Variants in ANKRD30BL observed in about 807,000 individuals in gnomAD.
ANKRD30BL encodes putative ankyrin repeat domain-containing protein 30B-like.
ANKRD30BL carries 20 observed loss-of-function variants against 18.4 expected under a neutral mutation model. That is an observed-to-expected ratio of 1.09 (90% confidence interval 0.77 to 1.58). The LOEUF is 1.58. Ranked by LOEUF, ANKRD30BL falls within the 40% of genes most tolerant of loss-of-function variation. The pLI is 0.00. For missense variants in ANKRD30BL, 224 were observed against 268.6 expected (o/e 0.83, Z 1.16); for synonymous variants, 72 against 100.9 (o/e 0.71, Z 1.72).
At chr2:132,154,049 C>A (rs573304087) in intron 4 of ANKRD30BL, among the ~76,000 whole-genome samples, 9 of 152,228 alleles carry the variant, frequency 5.9e-5, no homozygotes, top group African/African-American at 1.7e-4. Context: ...CAAGTGAGAG[C>A]AATCTGAAGA....
chr2:132,151,110 CTT>C (rs1687743502), intron 4 of ANKRD30BL, 134 bp from the exon 5 acceptor site: 1 of 376,170 alleles, frequency 2.7e-6, no homozygotes, highest in Admixed American at 5.0e-5. Context: ...TTTCCATAGA[CTT>C]TAAGTTTGTA....
At chr2:132,206,876 C>A (rs1371546781) in intron 1 of ANKRD30BL, among the ~76,000 whole-genome samples, 1 of 147,670 alleles carries the variant, frequency 6.8e-6, no homozygotes, top group South Asian at 2.1e-4. Context: ...CTTCTAGCAC[C>A]GGGTGATCAC....
At chr2:132,206,848 A>G (rs1170655235) in intron 1 of ANKRD30BL, among the ~76,000 whole-genome samples, 6 of 152,224 alleles carry the variant, frequency 3.9e-5, no homozygotes, top group African/African-American at 1.4e-4. Context: ...GGACCTGGGA[A>G]AAAATCCTTT....
chr2:132,149,598 G>A (rs1378371209), intron 5 of ANKRD30BL, among the ~76,000 whole-genome samples: 1 of 152,140 alleles, frequency 6.6e-6, no homozygotes, highest in Non-Finnish European at 1.5e-5. Context: ...CATTTAGGGT[G>A]CAAGAAAAGT....
At chr2:132,194,399 C>G (rs1678923408) in intron 1 of ANKRD30BL, among the ~76,000 whole-genome samples, 1 of 152,220 alleles carries the variant, frequency 6.6e-6, no homozygotes. Flanking sequence ...GACAGCCTGG[C>G]TTTAGCCTTC....
chr2:132,183,143 T>C (rs1246051088), intron 1 of ANKRD30BL, among the ~76,000 whole-genome samples: 3 of 151,812 alleles, frequency 2.0e-5, no homozygotes, highest in Non-Finnish European at 4.4e-5. Flanking sequence ...GTAGCTTTTT[T>C]TTTTTTTTTG....
At chr2:132,223,254 A>T (rs1475947996) in intron 1 of ANKRD30BL, among the ~76,000 whole-genome samples, 1 of 152,118 alleles carries the variant, frequency 6.6e-6, no homozygotes, top group Admixed American at 6.6e-5. Flanking sequence ...TACTGCTTTG[A>T]GGCCTTCGTT....
intron 1 of ANKRD30BL, among the ~76,000 whole-genome samples, chr2:132,203,636 A>C (rs2104749782): frequency 6.6e-6 from 1 of 152,148 alleles, no homozygotes; most frequent in South Asian, 2.1e-4. Flanking sequence ...CAGTTGAGAA[A>C]TTAAATACAA....
At chr2:132,189,416 GAGTC>G (rs1678800166) in intron 1 of ANKRD30BL, among the ~76,000 whole-genome samples, 1 of 151,908 alleles carries the variant, frequency 6.6e-6, no homozygotes, top group African/African-American at 2.4e-5. Flanking sequence ...AATGTAGCTT[GAGTC>G]AGTCAAACAG....
In ANKRD30BL at chr2:132,167,785, A is replaced by G. The variant is rs115044600; in HGVS notation, n.442-10639T>C. Among the ~76,000 whole-genome samples, 605 of 152,280 alleles carry G rather than the reference A, an allele frequency of 4.0e-3. 2 individuals carry two copies. Among genetic ancestry groups the G allele is most frequent in the African/African-American group, 0.014 (589 of 41,560 alleles). ...ATCTTTAAATTAATTAGAATCGATT[A>G]TATATATTTTATGTCTATCTTCAAA... On this transcript the variant is annotated intron_variant and non_coding_transcript_variant, in intron 1 of 4. Coordinates refer to the ANKRD30BL transcript ENST00000470729.
At chr2:132,223,675 A>G (rs1407271969) in intron 1 of ANKRD30BL, among the ~76,000 whole-genome samples, 1 of 150,128 alleles carries the variant, frequency 6.7e-6, no homozygotes, top group Non-Finnish European at 1.5e-5. Flanking sequence ...TGATGTGTAC[A>G]TTCAACTCAC....
intron 1 of ANKRD30BL, among the ~76,000 whole-genome samples, chr2:132,198,490 AT>A (rs1573833355): frequency 1.3e-5 from 2 of 150,516 alleles, no homozygotes; most frequent in East Asian, 3.9e-4. Context: ...TGCCCCGCTA[AT>A]TTTTTGCATC....
chr2:132,194,594 T>C (rs1451647472), intron 1 of ANKRD30BL, among the ~76,000 whole-genome samples: 2 of 152,210 alleles, frequency 1.3e-5, no homozygotes, highest in East Asian at 1.9e-4. Context: ...AGTCTCTTTC[T>C]ACCCCAATCA....
At chr2:132,253,585 G>A (rs1026414690) in intron 1 of ANKRD30BL, among the ~76,000 whole-genome samples, 8 of 152,166 alleles carry the variant, frequency 5.3e-5, no homozygotes, top group Non-Finnish European at 1.2e-4. Context: ...ACTGGGTAAA[G>A]CCCCCACCGA....
At chr2:132,193,958 C>G (rs922105420) in intron 1 of ANKRD30BL, among the ~76,000 whole-genome samples, 2 of 151,760 alleles carry the variant, frequency 1.3e-5, no homozygotes, top group African/African-American at 4.8e-5. Flanking sequence ...TACGTCACCA[C>G]TGGGGCAGGA....
At chr2:132,244,640 C>G (rs369546795) in intron 1 of ANKRD30BL, among the ~76,000 whole-genome samples, 1 of 152,276 alleles carries the variant, frequency 6.6e-6, no homozygotes. Context: ...GTGATGTGTG[C>G]ACTCAAATCA....
chr2:132,231,699 G>A (rs879762376), intron 1 of ANKRD30BL, among the ~76,000 whole-genome samples: 21 of 152,288 alleles, frequency 1.4e-4, no homozygotes, highest in Middle Eastern at 3.4e-3. Flanking sequence ...CACCCACGGA[G>A]TCTCGCTGAT....
At chr2:132,181,434 C>G (rs1688460234) in intron 1 of ANKRD30BL, among the ~76,000 whole-genome samples, 1 of 150,350 alleles carries the variant, frequency 6.7e-6, no homozygotes, top group East Asian at 2.0e-4. Context: ...GATCATGCCA[C>G]TGCACTGACA....
intron 1 of ANKRD30BL, among the ~76,000 whole-genome samples, chr2:132,212,575 C>G (rs1031803398): frequency 1.3e-5 from 2 of 151,956 alleles, no homozygotes; most frequent in Admixed American, 6.6e-5. Flanking sequence ...TGGAAACTCT[C>G]TTTTTGTAGA....
Sources: gnomAD v4.1 joint callset for allele counts (sites outside exome capture counted in the v4.1 genomes callset) on GRCh38, gnomAD v4.1.1 for gene constraint, MANE v1.5 for transcripts, NCBI Gene and HGNC (gene_info 2026-07-23, HGNC 2026-07-21) for gene names.